Variants in BMPR1A observed in about 807,000 individuals in gnomAD.
BMPR1A encodes the protein bone morphogenetic protein receptor type-1A.
Under a neutral mutation model 66.0 loss-of-function variants are expected in BMPR1A, and 7 were observed. That is an observed-to-expected ratio of 0.11 (90% CI 0.06 to 0.20). The LOEUF (loss-of-function observed/expected upper bound fraction) is 0.20, where lower values mean the gene tolerates loss of function less well. Among genes scored for constraint, BMPR1A ranks in the 10% least tolerant of loss-of-function variants. BMPR1A has a pLI of 1.00. For synonymous variants in BMPR1A, 200 were observed against 229.7 expected (o/e 0.87, Z 1.17); for missense variants, 408 against 669.1 (o/e 0.61, Z 4.31).
At chr10:86,799,486 CTTCCTTCCTTCCTTCCTTCCTTTCT>C (rs1306969684) in intron 1 of BMPR1A, among the ~76,000 whole-genome samples, 4 of 115,942 alleles carry the variant, frequency 3.4e-5, no homozygotes, top group Non-Finnish European at 6.9e-5. Flanking sequence ...TCCTTCCTTC[CTTCCTTCCTTCCTTCCTTCCTTTCT>C]TTTCTTTTCT....
Position 86,919,176 on chromosome 10 carries a change from C to G in BMPR1A, c.873C>G (p.Phe291Leu). The G allele has an allele frequency of 6.2e-7, 1 of 1,613,972 alleles. No individual in the cohort carries two copies. The change falls in exon 10 of 13, where the codon TTC (phenylalanine) becomes TTG (leucine). Residue 291 changes from phenylalanine to leucine, a missense_variant. Physicochemically the swap from Phe to Leu is conservative, Grantham distance 22. This residue lies in a region of BMPR1A where 174 missense variants were observed against 265.1 expected (regional missense o/e 0.66). Transcript: ENST00000372037. Reference sequence around the variant, plus strand: ...TTAAACTCATCAACTGGACAGGTTTCATAGCGGCAGACATTAAAGGTACAG... The same window carrying G: ...TTAAACTCATCAACTGGACAGGTTTGATAGCGGCAGACATTAAAGGTACAG... ...VLMRHENILGFIAADIKGTGS... is the reference protein window; with the variant it reads ...VLMRHENILGLIAADIKGTGS...
intron 1 of BMPR1A, among the ~76,000 whole-genome samples, chr10:86,787,122 CAATT>C (rs1330605222): frequency 6.6e-6 from 1 of 152,016 alleles, no homozygotes; most frequent in Non-Finnish European, 1.5e-5. Context: ...TGTGTTATAT[CAATT>C]GAGAGCACAC....
In BMPR1A at chr10:86,864,683, C is replaced by T. The variant is rs188689867; in HGVS notation, c.-152-11184C>T. ...ACCAAGCAAGTAATTATGCTGAATC[C>T]CCTTGGGCACTCTCTAATTGGATGT... On this transcript the variant is annotated intron_variant, in intron 2 of 12. Coordinates refer to ENST00000372037, the MANE Select transcript of BMPR1A (RefSeq NM_004329.3). 4.1e-3 allele frequency among the ~76,000 whole-genome samples: 628 copies of T among 152,210 alleles called. 3 individuals carry two copies. Among genetic ancestry groups the T allele is most frequent in the Middle Eastern group, 0.01 (3 of 294 alleles).
At chr10:86,853,597 G>T (rs570496822) in intron 2 of BMPR1A, among the ~76,000 whole-genome samples, 2 of 151,992 alleles carry the variant, frequency 1.3e-5, no homozygotes, top group Non-Finnish European at 2.9e-5. Flanking sequence ...TCTATTTTCC[G>T]TAAGTGTTGG....
intron 2 of BMPR1A, among the ~76,000 whole-genome samples, chr10:86,865,222 C>G (rs1373599856): frequency 1.3e-5 from 2 of 152,184 alleles, no homozygotes; most frequent in African/African-American, 4.8e-5. Context: ...CATGCCTTAA[C>G]TGATGACATT....
chr10:86,794,348 T>C (rs1841674494), intron 1 of BMPR1A, among the ~76,000 whole-genome samples: 1 of 152,202 alleles, frequency 6.6e-6, no homozygotes, highest in Admixed American at 6.5e-5. Context: ...AAGTTTCTTC[T>C]CTGTACTTGT....
chr10:86,838,565 GTTCTTTTTTTTTT>G (rs1433886037), intron 1 of BMPR1A, among the ~76,000 whole-genome samples: 3 of 141,556 alleles, frequency 2.1e-5, no homozygotes, highest in African/African-American at 7.9e-5. Context: ...AGCTATTCCT[GTTCTTTTTTTTTT>G]TTCAAATTGA....
Position 86,790,191 on chromosome 10 carries a change from ATATATATATAT to A in BMPR1A, c.-268+33273_-268+33283del, listed in dbSNP as rs1841590889. Among the ~76,000 whole-genome samples the A allele has an allele frequency of 5.7e-3, 53 of 9,312 alleles. 5 individuals are homozygous for A. Among genetic ancestry groups the A allele is most frequent in the African/African-American group, 0.014 (21 of 1,478 alleles). 6.1% of individuals were successfully genotyped at this position (9,312 alleles called of 152,430 possible). A position where few individuals can be genotyped will look rare whatever the true frequency, so the allele number is the denominator to read the frequency against. On this transcript the variant is annotated intron_variant, in intron 1 of 12. Transcript: ENST00000372037. ...AAAAAAAAAAAAAAAAAAAAAAAAT[ATATATATATAT>A]ATATATATATATATATATATATATA...
At chr10:86,836,785 TAGCTG>T (rs1413539622) in intron 1 of BMPR1A, among the ~76,000 whole-genome samples, 3 of 151,946 alleles carry the variant, frequency 2.0e-5, no homozygotes, top group African/African-American at 7.3e-5. Flanking sequence ...ATATAAAAAT[TAGCTG>T]GGCATGGTTG....
intron 1 of BMPR1A, among the ~76,000 whole-genome samples, chr10:86,772,130 T>G (rs111455991): frequency 3.6e-5 from 5 of 140,330 alleles, no homozygotes; most frequent in African/African-American, 1.4e-4. Context: ...AGATAGGTTT[T>G]TTTTTTTTTT....
At chr10:86,757,158 T>A (rs1023169556) in intron 1 of BMPR1A, among the ~76,000 whole-genome samples, 3 of 151,922 alleles carry the variant, frequency 2.0e-5, no homozygotes, top group African/African-American at 7.2e-5. Flanking sequence ...CACTCGCGGG[T>A]TGCAGGCCGA....
chr10:86,827,112 T>G (rs140618775), intron 1 of BMPR1A, among the ~76,000 whole-genome samples: 1 of 152,296 alleles, frequency 6.6e-6, no homozygotes, highest in East Asian at 1.9e-4. Flanking sequence ...CCTTCATCCC[T>G]CAAGACAATT....
chr10:86,924,480 A>G lies in BMPR1A; in HGVS notation c.*761A>G, dbSNP rs1398645773. 8.6e-6 allele frequency: 2 copies of G among 233,552 alleles called. No individual in the cohort carries two copies. Among genetic ancestry groups the G allele is most frequent in the East Asian group, 1.2e-4 (2 of 16,594 alleles). 14.5% of individuals were successfully genotyped at this position (233,552 alleles called of 1,614,324 possible). A position where few individuals can be genotyped will look rare whatever the true frequency, so the allele number is the denominator to read the frequency against. ...GCCAAGGCCAAAAGAAGTTTAAAGCATCTGTAAATTTGGACTGTTTTCCTT... is the reference window on the plus strand; with the variant it reads ...GCCAAGGCCAAAAGAAGTTTAAAGCGTCTGTAAATTTGGACTGTTTTCCTT... On this transcript the variant is annotated 3_prime_UTR_variant, in exon 13 of 13. Coordinates refer to ENST00000372037, the MANE Select transcript of BMPR1A (RefSeq NM_004329.3).
chr10:86,829,448 A>G (rs1246429447), intron 1 of BMPR1A, among the ~76,000 whole-genome samples: 1 of 152,196 alleles, frequency 6.6e-6, no homozygotes, highest in African/African-American at 2.4e-5. Flanking sequence ...CCCACAGCAC[A>G]GCATTAAACT....
intron 8 of BMPR1A, among the ~76,000 whole-genome samples, chr10:86,915,283 G>A (rs980379915): frequency 3.3e-5 from 5 of 151,960 alleles, no homozygotes; most frequent in East Asian, 1.9e-4. Context: ...CACCCGCCTC[G>A]GCCTCCCAAA....
At chr10:86,806,934 T>C (rs1841896333) in intron 1 of BMPR1A, among the ~76,000 whole-genome samples, 1 of 152,104 alleles carries the variant, frequency 6.6e-6, no homozygotes, top group Non-Finnish European at 1.5e-5. Context: ...CCTTTGGATA[T>C]GGCCTTGTCA....
intron 7 of BMPR1A, among the ~76,000 whole-genome samples, chr10:86,910,348 A>G (rs1843460811): frequency 6.6e-6 from 1 of 152,180 alleles, no homozygotes; most frequent in Non-Finnish European, 1.5e-5. Flanking sequence ...AAAATAAATA[A>G]AGAAAAATAA....
chr10:86,899,759 A>C (rs775384851), intron 5 of BMPR1A, 35 bp from the exon 6 acceptor site: 3 of 1,586,108 alleles, frequency 1.9e-6, no homozygotes, highest in Non-Finnish European at 2.6e-6. Context: ...TAAAATACCA[A>C]ACCATTTCTA....
chr10:86,761,155 C>T (rs1386977350), intron 1 of BMPR1A, among the ~76,000 whole-genome samples: 1 of 152,232 alleles, frequency 6.6e-6, no homozygotes, highest in Non-Finnish European at 1.5e-5. Flanking sequence ...GACTCCATCT[C>T]AGGGTGGCCC....
Sources: gnomAD v4.1 joint callset for allele counts (sites outside exome capture counted in the v4.1 genomes callset) on GRCh38, gnomAD v4.1.1 for gene constraint, gnomAD v4.1.1 regional missense constraint, MANE v1.5 for transcripts, NCBI Gene and HGNC (gene_info 2026-07-23, HGNC 2026-07-21) for gene names.